FBXL5: variants seen among roughly 807,000 people sequenced by gnomAD.
The protein encoded by FBXL5 is F-box/LRR-repeat protein 5.
In FBXL5, 26 loss-of-function variants were observed where a neutral mutation model predicts 78.3. The observed-to-expected ratio is 0.33, with a 90% confidence interval of 0.24 to 0.46. The LOEUF (loss-of-function observed/expected upper bound fraction) is 0.46. FBXL5 is among the 20% of genes least tolerant of loss of function. FBXL5 has a pLI of 1.00. For synonymous variants in FBXL5, 295 were observed against 282.5 expected, an observed-to-expected ratio of 1.04 and a Z score of -0.45; for missense variants, 710 against 829.2, an observed-to-expected ratio of 0.86 and a Z score of 1.77.
intron 5 of FBXL5, 157 bp downstream of exon 5, chr4:15,636,337 G>T: frequency 1.8e-6 from 1 of 556,118 alleles, no homozygotes; most frequent in Non-Finnish European, 2.9e-6. Context: ...ATCACTGCTA[G>T]TTTTCCAAAA....
chr4:15,618,355 G>C (rs1460048280), intron 9 of FBXL5, among the ~76,000 whole-genome samples: 1 of 152,046 alleles, frequency 6.6e-6, no homozygotes, highest in Non-Finnish European at 1.5e-5. Context: ...AACACAATGA[G>C]ACTAAATATA....
intron 1 of FBXL5, among the ~76,000 whole-genome samples, chr4:15,680,894 AT>A (rs1286335291): frequency 6.0e-5 from 9 of 149,382 alleles, no homozygotes; most frequent in African/African-American, 1.5e-4. Flanking sequence ...ACCCAAAAAA[AT>A]AAAGCAGTAT....
At chr4:15,636,817 G>A in intron 4 of FBXL5, 141 bp from the exon 5 acceptor site, 1 of 589,524 alleles carries the variant, frequency 1.7e-6, no homozygotes, top group South Asian at 2.6e-5. Flanking sequence ...GAAATAACAT[G>A]TATTAGAGGT....
chr4:15,661,090 A>G (rs1717289190), upstream of FBXL5, among the ~76,000 whole-genome samples: 1 of 151,944 alleles, frequency 6.6e-6, no homozygotes, highest in Non-Finnish European at 1.5e-5. Flanking sequence ...AAAAAAAAAA[A>G]GTTAGGTAAC....
chr4:15,616,173 A>C (rs934482673), intron 9 of FBXL5, among the ~76,000 whole-genome samples: 10 of 152,310 alleles, frequency 6.6e-5, no homozygotes, highest in Non-Finnish European at 1.0e-4. Flanking sequence ...GAACATCAGG[A>C]GGGACAGACT....
At chr4:15,653,060 T>C (rs759778231) in intron 1 of FBXL5, among the ~76,000 whole-genome samples, 10 of 152,332 alleles carry the variant, frequency 6.6e-5, no homozygotes, top group South Asian at 2.1e-4. Context: ...GAGATTTCCA[T>C]TGGCTATCAG....
chr4:15,618,255 A>C (rs1712110590), intron 9 of FBXL5, among the ~76,000 whole-genome samples: 1 of 152,208 alleles, frequency 6.6e-6, no homozygotes, highest in Admixed American at 6.5e-5. Context: ...AGAAGCCAGC[A>C]TGGTGGTGCA....
chr4:15,610,478 A>T (rs1722174190), intron 10 of FBXL5, among the ~76,000 whole-genome samples: 1 of 152,120 alleles, frequency 6.6e-6, no homozygotes, highest in Non-Finnish European at 1.5e-5. Context: ...CAATTCATTT[A>T]TTTTAAAAAA....
intron 9 of FBXL5, among the ~76,000 whole-genome samples, chr4:15,614,737 G>A (rs1444743269): frequency 6.6e-6 from 1 of 152,136 alleles, no homozygotes; most frequent in African/African-American, 2.4e-5. Flanking sequence ...ATTATTGAGA[G>A]GTGACAGCAC....
At chr4:15,640,975 C>T (rs1281650731) in intron 2 of FBXL5, 92 bp from the exon 3 acceptor site, 1 of 599,674 alleles carries the variant, frequency 1.7e-6, no homozygotes, top group Non-Finnish European at 2.8e-6. Flanking sequence ...CATAAAACCT[C>T]CGGGGAAAAA....
chr4:15,628,627 T>C (rs1482932954), intron 6 of FBXL5, among the ~76,000 whole-genome samples: 3 of 152,248 alleles, frequency 2.0e-5, no homozygotes, highest in Middle Eastern at 3.4e-3. Context: ...TCTTTAAACA[T>C]AAAATGATTT....
upstream of FBXL5, among the ~76,000 whole-genome samples, chr4:15,658,782 A>C (rs1045923385): frequency 6.6e-6 from 1 of 152,226 alleles, no homozygotes; most frequent in Non-Finnish European, 1.5e-5. Flanking sequence ...ATGATGTCTT[A>C]ATCTACTTTC....
At chr4:15,678,398 A>C (rs1718070290) in intron 1 of FBXL5, among the ~76,000 whole-genome samples, 1 of 152,254 alleles carries the variant, frequency 6.6e-6, no homozygotes, top group African/African-American at 2.4e-5. Flanking sequence ...AAACAAAAAC[A>C]AATGAAAACT....
intron 3 of FBXL5, among the ~76,000 whole-genome samples, 189 bp downstream of exon 3, chr4:15,640,599 A>C (rs145319417): frequency 1.3e-5 from 2 of 152,198 alleles, no homozygotes; most frequent in East Asian, 3.9e-4. Context: ...GAAAAGCAAC[A>C]ACCTTTCTGA....
At chr4:15,630,812 T>C in intron 5 of FBXL5, 21 bp from the exon 6 acceptor site, 1 of 1,611,954 alleles carries the variant, frequency 6.2e-7, no homozygotes, top group African/African-American at 1.3e-5. Context: ...AATAAACAAG[T>C]AAAAGGTTCA....
intron 10 of FBXL5, among the ~76,000 whole-genome samples, chr4:15,610,278 G>T (rs1483322758): frequency 6.6e-6 from 1 of 152,062 alleles, no homozygotes; most frequent in East Asian, 1.9e-4. Context: ...AAGACTATGA[G>T]AGAGCATTGC....
chr4:15,676,738 G>T (rs1397897375), intron 1 of FBXL5, among the ~76,000 whole-genome samples: 3 of 152,040 alleles, frequency 2.0e-5, no homozygotes, highest in African/African-American at 7.3e-5. Context: ...TAGGTGTTGG[G>T]TTGTTGGGTT....
intron 5 of FBXL5, 146 bp from the exon 6 acceptor site, chr4:15,630,937 T>C (rs1416996589): frequency 9.9e-7 from 1 of 1,009,086 alleles, no homozygotes; most frequent in African/African-American, 1.7e-5. Flanking sequence ...TTTTAATACT[T>C]TTAAGTTCTA....
chr4:15,677,399 A>T (rs1718033139), intron 1 of FBXL5, among the ~76,000 whole-genome samples: 1 of 152,182 alleles, frequency 6.6e-6, no homozygotes, highest in Non-Finnish European at 1.5e-5. Flanking sequence ...TATGTTAATG[A>T]GGTGACTCAT....
Sources: gnomAD v4.1 joint callset for allele counts (sites outside exome capture counted in the v4.1 genomes callset) on GRCh38, gnomAD v4.1.1 for gene constraint, MANE v1.5 for transcripts, NCBI Gene and HGNC (gene_info 2026-07-23, HGNC 2026-07-21) for gene names.